Variants in MCTP1 observed in about 807,000 individuals in gnomAD.
MCTP1 encodes multiple C2 and transmembrane domain-containing protein 1.
A neutral mutation model predicts 120.6 loss-of-function variants in MCTP1; 69 were observed. The observed-to-expected ratio is 0.57, with a 90% CI of 0.47 to 0.70. The LOEUF is 0.70. Ranked by LOEUF, MCTP1 falls within the 30% of genes least tolerant of loss-of-function variation. The pLI, the probability that MCTP1 is intolerant of heterozygous loss-of-function variation, is 0.00. For missense variants in MCTP1, 1,203 were observed against 1,248.8 expected (o/e 0.96, Z 0.55); for synonymous variants, 529 against 493.1 (o/e 1.07, Z -0.96).
Position 95,284,210 on chromosome 5 carries a change from G to A in MCTP1, c.366C>T (p.Arg122=), listed in dbSNP as rs1368751099. 1 of 1,570,884 alleles carries A rather than the reference G, an allele frequency of 6.4e-7. No homozygotes were observed. The highest frequency in any genetic ancestry group is 1.4e-5 in the African/African-American group (1 of 73,072). The change falls in exon 1 of 23, where the codon CGC becomes CGT. Residue 122 remains arginine, a synonymous_variant. Transcript: ENST00000515393. The surrounding 1 kb of genome is among the most constrained non-coding windows in gnomAD (Gnocchi z 5.2). ...AGRAEQGSTL[R]RRIREHLLPA... ...GGAGCAAATGCTCGCGGATCCGGCG[G>A]CGTAGCGTGGACCCCTGCTCGGCTC...
At chr5:95,000,392 A>T (rs1833442329) in intron 2 of MCTP1, among the ~76,000 whole-genome samples, 1 of 152,168 alleles carries the variant, frequency 6.6e-6, no homozygotes, top group Non-Finnish European at 1.5e-5. Context: ...GTCCTTCAGG[A>T]GGTATTCCAA....
intron 1 of MCTP1, among the ~76,000 whole-genome samples, chr5:95,235,672 G>T (rs1755466475): frequency 6.6e-6 from 1 of 152,096 alleles, no homozygotes; most frequent in African/African-American, 2.4e-5. Context: ...ATCACATTGT[G>T]ATAATTATTC....
At chr5:94,957,730 T>C (rs545457650) in intron 2 of MCTP1, among the ~76,000 whole-genome samples, 1 of 152,214 alleles carries the variant, frequency 6.6e-6, no homozygotes, top group East Asian at 1.9e-4. Flanking sequence ...CTATCCTCAA[T>C]ATATATGCAC....
chr5:94,953,540 A>T (rs1821173638), intron 2 of MCTP1, among the ~76,000 whole-genome samples, 179 bp from the exon 3 acceptor site: 1 of 151,618 alleles, frequency 6.6e-6, no homozygotes. Context: ...AGTGATAAAT[A>T]ATAATAATTA....
At chr5:95,258,398 A>G (rs537901160) in intron 1 of MCTP1, among the ~76,000 whole-genome samples, 2 of 152,318 alleles carry the variant, frequency 1.3e-5, no homozygotes, top group African/African-American at 4.8e-5. Flanking sequence ...ATATCTGACC[A>G]GTACTCCTCA....
At position 95,073,895 on chromosome 5, in the gene MCTP1, G is replaced by A. The variant is rs59501335; in HGVS notation, c.721-56411C>T. ...TGGGAGGCCGAGGCGGGTGAATCAC[G>A]AGGTCAGGAGTTCAAGACCAGGCTG... On this transcript the variant is annotated intron_variant, in intron 1 of 22. Coordinates refer to ENST00000515393, the MANE Select transcript of MCTP1 (RefSeq NM_024717.7). Among the ~76,000 whole-genome samples the A allele has an allele frequency of 3.8e-3, 578 of 152,148 alleles. 2 individuals carry two copies. The highest frequency in any genetic ancestry group is 0.013 in the African/African-American group (534 of 41,500).
At position 95,163,877 on chromosome 5, in the gene MCTP1, A is replaced by G. The variant is rs377118992; in HGVS notation, c.720+119979T>C. Among the ~76,000 whole-genome samples the G allele has an allele frequency of 1.8e-3, 279 of 152,308 alleles. 1 individual carries two copies. The highest frequency in any genetic ancestry group is 6.4e-3 in the African/African-American group (268 of 41,570). On this transcript the variant is annotated intron_variant, in intron 1 of 22. Coordinates refer to ENST00000515393, the MANE Select transcript of MCTP1 (RefSeq NM_024717.7). The stretch of plus-strand genomic sequence containing the variant: ...TGGTTGAAAATCACATTTTCTTTTA[A>G]GTCTAGCTCATTAATTATCTCATGC...
intron 1 of MCTP1, chr5:95,068,947 A>T: frequency 1.0e-5 from 3 of 290,824 alleles, no homozygotes; most frequent in African/African-American, 2.8e-5. Flanking sequence ...GAAGATTGTG[A>T]GCAGGTATCT....
intron 1 of MCTP1, among the ~76,000 whole-genome samples, chr5:95,227,584 C>G (rs1426647656): frequency 6.6e-6 from 1 of 152,138 alleles, no homozygotes; most frequent in East Asian, 1.9e-4. Flanking sequence ...TCATAGGAAT[C>G]ATAACAAATA....
In MCTP1 at chr5:94,954,821, T is replaced by C. The variant is rs191137522; in HGVS notation, c.839-1460A>G. The stretch of plus-strand genomic sequence containing the variant: ...TTTTTCTTGCTCAGAAGTTTCAATT[T>C]TAGAATGTTAGGAAGGGGTGGAGGT... On this transcript the variant is annotated intron_variant, in intron 2 of 22. Coordinates refer to ENST00000515393, the MANE Select transcript of MCTP1 (RefSeq NM_024717.7). Among the ~76,000 whole-genome samples the C allele has an allele frequency of 1.6e-3, 249 of 152,298 alleles. 1 individual carries two copies. The highest frequency in any genetic ancestry group is 2.8e-3 in the Non-Finnish European group (190 of 68,036).
At chr5:94,957,291 G>A (rs1331128320) in intron 2 of MCTP1, among the ~76,000 whole-genome samples, 1 of 152,042 alleles carries the variant, frequency 6.6e-6, no homozygotes, top group African/African-American at 2.4e-5. Context: ...AGGAAAAACT[G>A]GTACCAGCCT....
At chr5:95,221,627 T>G (rs1753707263) in intron 1 of MCTP1, among the ~76,000 whole-genome samples, 1 of 152,194 alleles carries the variant, frequency 6.6e-6, no homozygotes, top group African/African-American at 2.4e-5. Context: ...TTTGCAAAAT[T>G]TAGCCTCATG....
rs551612169 is a variant in MCTP1, at chr5:95,173,101, T to C, written c.720+110755A>G. Reference sequence around the variant, plus strand: ...TTTAGAACAAATAAAGATTATTTTCTTGTATGGAGATCGAAGACTCACAAT... The same window carrying C: ...TTTAGAACAAATAAAGATTATTTTCCTGTATGGAGATCGAAGACTCACAAT... On this transcript the variant is annotated intron_variant, in intron 1 of 22. Transcript: ENST00000515393. 4.8e-3 allele frequency among the ~76,000 whole-genome samples: 731 copies of C among 152,332 alleles called. 10 individuals are homozygous for C. The highest frequency in any genetic ancestry group is 0.016 in the African/African-American group (666 of 41,580).
chr5:94,995,926 G>T (rs186403090), intron 2 of MCTP1, among the ~76,000 whole-genome samples: 1 of 152,186 alleles, frequency 6.6e-6, no homozygotes. Context: ...AAACCTTTTT[G>T]TCTCAAGACT....
chr5:94,724,403 G>A (rs761853602), intron 19 of MCTP1, among the ~76,000 whole-genome samples: 9 of 131,462 alleles, frequency 6.8e-5, no homozygotes, highest in South Asian at 5.1e-4. Context: ...GCACCACCAC[G>A]TCTGGCTAAT....
intron 1 of MCTP1, among the ~76,000 whole-genome samples, chr5:95,143,171 A>C (rs570059122): frequency 1.1e-3 from 163 of 152,296 alleles, no homozygotes; most frequent in African/African-American, 3.8e-3. Context: ...CCTTGGTAGC[A>C]GAATATAGAA....
intron 1 of MCTP1, among the ~76,000 whole-genome samples, chr5:95,096,536 A>G (rs1756280653): frequency 6.6e-6 from 1 of 152,158 alleles, no homozygotes; most frequent in African/African-American, 2.4e-5. Flanking sequence ...CATGTGAAGC[A>G]AGAGAGAAAA....
rs537504902 is a variant in MCTP1 at position 95,249,555 on chromosome 5, G to A, written c.720+34301C>T. Among the ~76,000 whole-genome samples, 11 of 152,224 alleles carry A rather than the reference G, an allele frequency of 7.2e-5. No homozygotes were observed. In the South Asian group the frequency reaches 1.0e-3, roughly 14 times the overall value. Reference sequence around the variant, plus strand: ...AGAAATAGGAACGCTTTTCACTGTCGGTGGGAGTGTAAATTAGTTCAACCA... The same window carrying A: ...AGAAATAGGAACGCTTTTCACTGTCAGTGGGAGTGTAAATTAGTTCAACCA... On this transcript the variant is annotated intron_variant, in intron 1 of 22. Coordinates refer to ENST00000515393, the MANE Select transcript of MCTP1 (RefSeq NM_024717.7).
chr5:95,173,444 T>C (rs990368622), intron 1 of MCTP1, among the ~76,000 whole-genome samples: 5 of 152,164 alleles, frequency 3.3e-5, no homozygotes, highest in Non-Finnish European at 7.4e-5. Flanking sequence ...ATCCTAGGAC[T>C]ACAAGGAGAG....
Sources: allele counts gnomAD v4.1 joint callset (sites outside exome capture counted in the v4.1 genomes callset), GRCh38; gene constraint gnomAD v4.1.1; non-coding constraint Gnocchi (gnomAD v3.1); transcripts MANE v1.5; gene names NCBI Gene and HGNC (gene_info 2026-07-23, HGNC 2026-07-21).